The following GFOD2 variants were observed in gnomAD, a reference collection of about 807,000 sequenced individuals.
The protein encoded by GFOD2 is glucose-fructose oxidoreductase domain-containing protein 2.
In GFOD2, 9 loss-of-function variants were observed where a neutral mutation model predicts 24.6. That is an observed-to-expected ratio of 0.37 (90% CI 0.22 to 0.64). The LOEUF is 0.64. Among genes scored for constraint, GFOD2 ranks in the 30% least tolerant of loss-of-function variants. GFOD2 has a pLI of 0.65. For missense variants in GFOD2, 476 were observed against 532.5 expected, an observed-to-expected ratio of 0.89 and a Z score of 1.04; for synonymous variants, 211 against 224.8, an observed-to-expected ratio of 0.94 and a Z score of 0.55.
chr16:67,706,025 C>T (rs1481286356), intron 1 of GFOD2, among the ~76,000 whole-genome samples: 3 of 145,744 alleles, frequency 2.1e-5, no homozygotes, highest in Middle Eastern at 3.3e-3. Flanking sequence ...CTCTGTCACC[C>T]AGGCTGGAGT....
intron 1 of GFOD2, among the ~76,000 whole-genome samples, chr16:67,714,473 CAAAA>C (rs1265596335): frequency 1.9e-5 from 1 of 53,668 alleles, no homozygotes; most frequent in Non-Finnish European, 3.9e-5. Flanking sequence ...AACACTGTCT[CAAAA>C]AAAAAAAAAA....
chr16:67,698,421 CTG>C (rs2053373987), intron 1 of GFOD2, among the ~76,000 whole-genome samples: 1 of 152,214 alleles, frequency 6.6e-6, no homozygotes, highest in African/African-American at 2.4e-5. Flanking sequence ...AGTACACTGA[CTG>C]TTTCCTGTCT....
At position 67,675,147 on chromosome 16, in the gene GFOD2, G is replaced by GT; in HGVS notation, c.*7dup. On this transcript the variant is annotated 3_prime_UTR_variant, in exon 3 of 3. Transcript: ENST00000268797. ...CTCTGCCCTGTGGCAAGGAGCCCAG[G>GT]TGCAGGCTCATAGGTTGTTCCGCTG... 1 of 1,603,128 alleles carries GT rather than the reference G, an allele frequency of 6.2e-7. No individual in the cohort carries two copies. Among genetic ancestry groups the GT allele is most frequent in the Non-Finnish European group, 8.5e-7 (1 of 1,173,246 alleles).
At chr16:67,699,769 C>T (rs1054094243) in intron 1 of GFOD2, among the ~76,000 whole-genome samples, 5 of 151,752 alleles carry the variant, frequency 3.3e-5, no homozygotes, top group South Asian at 2.1e-4. Flanking sequence ...CAGGAGCAAG[C>T]CACCGCGCCC....
chr16:67,702,724 C>T (rs2053412008), intron 1 of GFOD2, among the ~76,000 whole-genome samples: 2 of 151,434 alleles, frequency 1.3e-5, no homozygotes, highest in South Asian at 2.1e-4. Context: ...CTCAACCTCC[C>T]GAGTAGCTGG....
intron 2 of GFOD2, chr16:67,684,959 A>C (rs2053254843): frequency 2.0e-6 from 2 of 1,002,306 alleles, no homozygotes; most frequent in Non-Finnish European, 2.4e-6. Context: ...ATGCTGGCAG[A>C]GCCTTCCTGT....
intron 1 of GFOD2, among the ~76,000 whole-genome samples, chr16:67,690,433 G>A (rs950167502): frequency 4.9e-5 from 7 of 143,006 alleles, no homozygotes; most frequent in Non-Finnish European, 9.1e-5. Flanking sequence ...GTCTTGTTCT[G>A]TCACCCAGGC....
intron 1 of GFOD2, among the ~76,000 whole-genome samples, chr16:67,696,772 C>T (rs973543767): frequency 2.0e-5 from 3 of 152,114 alleles, no homozygotes; most frequent in South Asian, 2.1e-4. Flanking sequence ...TGCGCCCGGC[C>T]GAAAAATTTT....
chr16:67,691,513 C>A (rs1214287209), intron 1 of GFOD2, among the ~76,000 whole-genome samples: 9 of 148,050 alleles, frequency 6.1e-5, no homozygotes, highest in Admixed American at 4.7e-4. Context: ...CCTAGACCCC[C>A]CCCCAAAAAA....
At chr16:67,694,819 C>A (rs1175798993) in intron 1 of GFOD2, among the ~76,000 whole-genome samples, 1 of 152,134 alleles carries the variant, frequency 6.6e-6, no homozygotes, top group Non-Finnish European at 1.5e-5. Context: ...CAGATCCCTG[C>A]CAATTTCGTG....
At chr16:67,700,887 A>T (rs74489358) in intron 1 of GFOD2, among the ~76,000 whole-genome samples, 2 of 150,652 alleles carry the variant, frequency 1.3e-5, no homozygotes, top group East Asian at 3.9e-4. Flanking sequence ...AAAAAAAAAA[A>T]TTAGCCAGGC....
intron 2 of GFOD2, chr16:67,681,633 C>G: frequency 1.4e-6 from 1 of 723,148 alleles, no homozygotes; most frequent in Non-Finnish European, 1.7e-6. Flanking sequence ...TGGTATTTAA[C>G]TCCTGAGTTC....
chr16:67,704,454 C>T (rs1375160806), intron 1 of GFOD2, among the ~76,000 whole-genome samples: 1 of 152,136 alleles, frequency 6.6e-6, no homozygotes, highest in Non-Finnish European at 1.5e-5. Flanking sequence ...AGGCTGCCAT[C>T]GTTTTTTGGA....
chr16:67,715,298 G>A (rs1222462403), intron 1 of GFOD2, among the ~76,000 whole-genome samples: 2 of 152,266 alleles, frequency 1.3e-5, no homozygotes, highest in East Asian at 3.9e-4. Flanking sequence ...GACCTCAGGC[G>A]ATCCACCTGC....
intron 1 of GFOD2, among the ~76,000 whole-genome samples, chr16:67,692,822 T>G (rs1016252533): frequency 1.3e-5 from 2 of 150,844 alleles, no homozygotes; most frequent in East Asian, 3.9e-4. Context: ...GTCAGGAGAT[T>G]GAGACCATCC....
chr16:67,687,300 A>T (rs1352743933), intron 1 of GFOD2, among the ~76,000 whole-genome samples: 1 of 152,014 alleles, frequency 6.6e-6, no homozygotes, highest in Admixed American at 6.5e-5. Context: ...AAAAAATACC[A>T]AAAAACTTTT....
Position 67,675,510 on chromosome 16 carries a change from T to G in GFOD2, c.803A>C (p.Tyr268Ser), listed in dbSNP as rs2053177576. 1.9e-6 allele frequency: 3 copies of G among 1,612,364 alleles called. No homozygotes were observed. Among genetic ancestry groups the G allele is most frequent in the African/African-American group, 2.7e-5 (2 of 74,942 alleles). ...GRLVARGADLYGQKNSATQEE... is the reference protein window; with the variant it reads ...GRLVARGADLSGQKNSATQEE... ...TTGCGTGGCAGAGTTCTTCTGCCCA[T>G]AGAGGTCGGCTCCCCGGGCGACGAG... Residue 268 changes from tyrosine (Y) to serine (S), a missense_variant, in exon 3 of 3, where the codon TAT becomes TCT. Coordinates refer to ENST00000268797, the MANE Select transcript of GFOD2 (RefSeq NM_030819.4).
chr16:67,682,539 T>C (rs888295503), intron 2 of GFOD2: 25 of 985,148 alleles, frequency 2.5e-5, no homozygotes, highest in African/African-American at 7.0e-5. Flanking sequence ...CTTTAAGAAA[T>C]TCATGGGAAA....
chr16:67,717,609 G>A (rs1294705894), intron 1 of GFOD2, among the ~76,000 whole-genome samples: 1 of 152,138 alleles, frequency 6.6e-6, no homozygotes, highest in Non-Finnish European at 1.5e-5. Flanking sequence ...TGGCCAACAT[G>A]GTGAAACCCC....
Sources: gnomAD v4.1 joint callset for allele counts (sites outside exome capture counted in the v4.1 genomes callset) on GRCh38, gnomAD v4.1.1 for gene constraint, MANE v1.5 for transcripts, NCBI Gene and HGNC (gene_info 2026-07-23, HGNC 2026-07-21) for gene names.